CORIN: variants seen among roughly 807,000 people sequenced by gnomAD.
The protein encoded by CORIN is corin, serine peptidase.
Under a neutral mutation model 125.3 loss-of-function variants are expected in CORIN, and 117 were observed. The observed-to-expected ratio is 0.93, with a 90% CI of 0.80 to 1.09. CORIN has a LOEUF of 1.09. CORIN is among the 50% of genes least tolerant of loss of function. The pLI is 0.00. For missense variants in CORIN, 1,253 were observed against 1,306.7 expected, an observed-to-expected ratio of 0.96 and a Z score of 0.63; for synonymous variants, 450 against 466.4, an observed-to-expected ratio of 0.96 and a Z score of 0.45.
At chr4:47,700,886 T>C (rs1577841588) in intron 5 of CORIN, among the ~76,000 whole-genome samples, 2 of 152,194 alleles carry the variant, frequency 1.3e-5, no homozygotes, top group African/African-American at 4.8e-5. Context: ...GCTCAGTCCT[T>C]CCCTCCTCAA....
At chr4:47,697,916 A>G (rs1726094115) in intron 5 of CORIN, among the ~76,000 whole-genome samples, 1 of 151,948 alleles carries the variant, frequency 6.6e-6, no homozygotes, top group African/African-American at 2.4e-5. Context: ...AAGTTATTTC[A>G]TGAGGAACTG....
intron 16 of CORIN, among the ~76,000 whole-genome samples, chr4:47,637,179 GA>G (rs1659956829): frequency 2.0e-5 from 3 of 152,158 alleles, no homozygotes; most frequent in Non-Finnish European, 4.4e-5. Flanking sequence ...GATGATTTAG[GA>G]TATCTGGTAG....
chr4:47,677,030 A>T (rs908877066), intron 9 of CORIN, among the ~76,000 whole-genome samples: 3 of 152,204 alleles, frequency 2.0e-5, no homozygotes, highest in Non-Finnish European at 4.4e-5. Flanking sequence ...AATATGCATT[A>T]CGACAAACCT....
At chr4:47,772,987 A>C (rs1468330383) in intron 3 of CORIN, among the ~76,000 whole-genome samples, 2 of 152,180 alleles carry the variant, frequency 1.3e-5, no homozygotes, top group Non-Finnish European at 2.9e-5. Context: ...AGTTTTGCTT[A>C]CTTGTACAAT....
chr4:47,663,324 T>C (rs1724334799), intron 11 of CORIN, among the ~76,000 whole-genome samples: 1 of 152,168 alleles, frequency 6.6e-6, no homozygotes, highest in African/African-American at 2.4e-5. Flanking sequence ...TTCAGTCTCA[T>C]AGCTAAAAAA....
intron 14 of CORIN, 63 bp from the exon 15 acceptor site, chr4:47,643,319 C>T: frequency 7.0e-7 from 1 of 1,429,922 alleles, no homozygotes; most frequent in Non-Finnish European, 9.6e-7. Flanking sequence ...TTATCACTAA[C>T]ATGCATATCT....
chr4:47,808,365 T>C (rs1479964958), intron 1 of CORIN, among the ~76,000 whole-genome samples: 2 of 152,254 alleles, frequency 1.3e-5, no homozygotes, highest in Admixed American at 1.3e-4. Flanking sequence ...CAGGACTTCC[T>C]GACGAGTATT....
chr4:47,760,180 T>C (rs1274756397), intron 4 of CORIN, among the ~76,000 whole-genome samples: 1 of 152,222 alleles, frequency 6.6e-6, no homozygotes, highest in Non-Finnish European at 1.5e-5. Context: ...CCCTGATTAA[T>C]GGGCTGCAGA....
At chr4:47,645,475 C>A (rs1488732772) in intron 13 of CORIN, among the ~76,000 whole-genome samples, 1 of 150,302 alleles carries the variant, frequency 6.7e-6, no homozygotes, top group Non-Finnish European at 1.5e-5. Flanking sequence ...GGCATAATGT[C>A]TTTTTTCTTA....
At chr4:47,626,311 G>A in intron 17 of CORIN, 94 bp downstream of exon 17, 1 of 768,754 alleles carries the variant, frequency 1.3e-6, no homozygotes. Flanking sequence ...TGACAAATTT[G>A]GATTATCTTA....
intron 9 of CORIN, among the ~76,000 whole-genome samples, chr4:47,675,984 C>A (rs887596381): frequency 6.6e-6 from 1 of 152,160 alleles, no homozygotes; most frequent in East Asian, 1.9e-4. Context: ...AGCCAAGAAA[C>A]AGCACATGCA....
At chr4:47,833,379 C>T (rs1316545283) in intron 1 of CORIN, among the ~76,000 whole-genome samples, 1 of 151,948 alleles carries the variant, frequency 6.6e-6, no homozygotes, top group African/African-American at 2.4e-5. Flanking sequence ...TTATCTCATG[C>T]CATGCACAAA....
intron 2 of CORIN, among the ~76,000 whole-genome samples, chr4:47,787,337 C>T (rs976327941): frequency 2.0e-5 from 3 of 152,174 alleles, no homozygotes; most frequent in Non-Finnish European, 4.4e-5. Flanking sequence ...GTTTGCTACT[C>T]AGGACCCAGG....
chr4:47,817,799 C>G (rs1423736225), intron 1 of CORIN, among the ~76,000 whole-genome samples: 1 of 152,150 alleles, frequency 6.6e-6, no homozygotes, highest in African/African-American at 2.4e-5. Context: ...AATTTGTTCA[C>G]AGGTTCTAGC....
intron 11 of CORIN, 54 bp from the exon 12 acceptor site, chr4:47,661,910 C>T: frequency 6.6e-7 from 1 of 1,508,958 alleles, no homozygotes; most frequent in South Asian, 1.3e-5. Context: ...CCATCTGAGA[C>T]AGATGTCATA....
chr4:47,657,753 G>A (rs1031350607), intron 12 of CORIN, among the ~76,000 whole-genome samples: 3 of 151,630 alleles, frequency 2.0e-5, no homozygotes, highest in Admixed American at 6.6e-5. Context: ...TTGGAAGGAG[G>A]CACCATGACC....
At chr4:47,713,688 G>A (rs1726960466) in intron 5 of CORIN, among the ~76,000 whole-genome samples, 1 of 152,116 alleles carries the variant, frequency 6.6e-6, no homozygotes, top group African/African-American at 2.4e-5. Flanking sequence ...ATCTCTACCA[G>A]TGCCCATATC....
At chr4:47,612,136 G>A (rs2109529072) in intron 19 of CORIN, among the ~76,000 whole-genome samples, 1 of 152,222 alleles carries the variant, frequency 6.6e-6, no homozygotes, top group East Asian at 1.9e-4. Context: ...TGGTAGATAT[G>A]GTACCAGCTC....
chr4:47,602,754 T>C (rs1330032826), intron 20 of CORIN, among the ~76,000 whole-genome samples: 1 of 152,212 alleles, frequency 6.6e-6, no homozygotes, highest in Non-Finnish European at 1.5e-5. Flanking sequence ...ATGCCATGGT[T>C]CATTATTAAT....
Sources: gnomAD v4.1 joint callset for allele counts (sites outside exome capture counted in the v4.1 genomes callset) on GRCh38, gnomAD v4.1.1 for gene constraint, MANE v1.5 for transcripts, NCBI Gene and HGNC (gene_info 2026-07-23, HGNC 2026-07-21) for gene names.